The following DRC8 variants were observed in gnomAD, a reference collection of about 807,000 sequenced individuals.
DRC8 encodes dynein regulatory complex subunit 8.
chr1:245,115,013 C>T, the DRC8 span, among the ~76,000 whole-genome samples: 9 of 152,054 alleles, frequency 5.9e-5, no homozygotes, highest in Non-Finnish European at 7.4e-5. Context: ...CGTGAGCCAC[C>T]GTCCCCAGCT....
chr1:245,014,403 T>C, the DRC8 span, among the ~76,000 whole-genome samples: 1 of 152,202 alleles, frequency 6.6e-6, no homozygotes, highest in African/African-American at 2.4e-5. Flanking sequence ...TTCAGATTCA[T>C]TTGTAATCAA....
the DRC8 span, among the ~76,000 whole-genome samples, chr1:245,062,133 C>T: frequency 6.6e-6 from 1 of 152,016 alleles, no homozygotes; most frequent in Admixed American, 6.6e-5. Flanking sequence ...AAAAATAGTC[C>T]TATAAAAAGT....
At chr1:245,017,103 A>G in the DRC8 span, 1 of 829,620 alleles carries the variant, frequency 1.2e-6, no homozygotes, top group Non-Finnish European at 1.8e-6. Context: ...AGGAAGTTAA[A>G]CATGCTAAAT....
At chr1:245,056,703 T>G in the DRC8 span, among the ~76,000 whole-genome samples, 1 of 152,092 alleles carries the variant, frequency 6.6e-6, no homozygotes, top group Non-Finnish European at 1.5e-5. Flanking sequence ...TTTGGGAGGC[T>G]GAGGTGGGTG....
the DRC8 span, among the ~76,000 whole-genome samples, chr1:244,982,866 C>G: frequency 6.6e-6 from 1 of 151,960 alleles, no homozygotes; most frequent in African/African-American, 2.4e-5. Context: ...AGATCGAGAC[C>G]AGCCTGGCCA....
the DRC8 span, among the ~76,000 whole-genome samples, chr1:245,101,174 G>A: frequency 6.6e-6 from 1 of 152,122 alleles, no homozygotes; most frequent in Non-Finnish European, 1.5e-5. Flanking sequence ...CATGAGCCAC[G>A]GCGCCTGGCC....
the DRC8 span, among the ~76,000 whole-genome samples, chr1:245,052,627 A>G: frequency 6.6e-6 from 1 of 152,250 alleles, no homozygotes; most frequent in Non-Finnish European, 1.5e-5. Context: ...GGAGCCTGGC[A>G]CAGAAGCAGA....
chr1:245,111,076 C>A, the DRC8 span, among the ~76,000 whole-genome samples: 2 of 152,052 alleles, frequency 1.3e-5, no homozygotes. Flanking sequence ...GAATACTGAA[C>A]CTGCTAATAA....
At chr1:245,005,588 C>T in the DRC8 span, among the ~76,000 whole-genome samples, 1 of 152,094 alleles carries the variant, frequency 6.6e-6, no homozygotes, top group Non-Finnish European at 1.5e-5. Context: ...AGTGATCTGC[C>T]TGCCTCGGCC....
At chr1:245,008,592 T>C in the DRC8 span, among the ~76,000 whole-genome samples, 1 of 151,954 alleles carries the variant, frequency 6.6e-6, no homozygotes, top group Non-Finnish European at 1.5e-5. Context: ...AAAGCATTTT[T>C]CCCAACCATT....
At chr1:244,984,777 G>T in the DRC8 span, among the ~76,000 whole-genome samples, 1 of 151,414 alleles carries the variant, frequency 6.6e-6, no homozygotes, top group African/African-American at 2.4e-5. Context: ...GGAGGTTGCG[G>T]TGAGCCGAGA....
At chr1:245,087,919 A>G in the DRC8 span, 1 of 496,338 alleles carries the variant, frequency 2.0e-6, no homozygotes, top group Non-Finnish European at 2.6e-6. Flanking sequence ...CTGATCCAGC[A>G]TGTCACCATT....
At chr1:244,970,777 TCCTCCTTCCC>T in the DRC8 span, 1 of 357,294 alleles carries the variant, frequency 2.8e-6, no homozygotes, top group Non-Finnish European at 4.9e-6. Context: ...TCCCGCCCCG[TCCTCCTTCCC>T]CCTCCCTCGG....
chr1:245,111,865 G>A, the DRC8 span, among the ~76,000 whole-genome samples: 2 of 152,128 alleles, frequency 1.3e-5, no homozygotes, highest in Non-Finnish European at 2.9e-5. Flanking sequence ...GTGAGACTCC[G>A]TGTCTATACA....
the DRC8 span, among the ~76,000 whole-genome samples, chr1:244,977,206 T>C: frequency 1.3e-5 from 2 of 152,190 alleles, no homozygotes; most frequent in Admixed American, 6.5e-5. Flanking sequence ...TTCTGGAGAT[T>C]GGTTGCCCAG....
chr1:245,019,832 G>A, the DRC8 span, among the ~76,000 whole-genome samples: 1 of 152,174 alleles, frequency 6.6e-6, no homozygotes, highest in African/African-American at 2.4e-5. Flanking sequence ...GGGCATGGTG[G>A]TGTGCACCTG....
At chr1:244,975,430 G>A in the DRC8 span, among the ~76,000 whole-genome samples, 3 of 152,198 alleles carry the variant, frequency 2.0e-5, no homozygotes, top group Admixed American at 6.5e-5. Flanking sequence ...GATCTTAGCC[G>A]AGATGCTAAA....
At chr1:244,970,130 G>A in the DRC8 span, 1 of 681,408 alleles carries the variant, frequency 1.5e-6, no homozygotes, top group Non-Finnish European at 2.7e-6. Flanking sequence ...AACATGCTAG[G>A]CCCGGGACAA....
At chr1:245,104,175 A>G in the DRC8 span, among the ~76,000 whole-genome samples, 1 of 152,224 alleles carries the variant, frequency 6.6e-6, no homozygotes, top group African/African-American at 2.4e-5. Context: ...TGATTAAAAA[A>G]GGACTTTCTA....
Sources: gnomAD v4.1 joint callset for allele counts (sites outside exome capture counted in the v4.1 genomes callset) on GRCh38, gnomAD v4.1.1 for gene constraint, MANE v1.5 for transcripts, NCBI Gene and HGNC (gene_info 2026-07-23, HGNC 2026-07-21) for gene names.